The following RRBP1 variants were observed in gnomAD, a reference collection of about 807,000 sequenced individuals.
RRBP1 encodes the protein ribosome-binding protein 1.
RRBP1 carries 94 observed loss-of-function variants against 165.2 expected under a neutral mutation model. That is an observed-to-expected ratio of 0.57 (90% CI 0.48 to 0.68). The LOEUF (loss-of-function observed/expected upper bound fraction) is 0.68. RRBP1 is among the 30% of genes least tolerant of loss of function. The pLI is 0.00. For synonymous variants in RRBP1, 680 were observed against 714.5 expected (o/e 0.95, Z 0.77); for missense variants, 1,676 against 1,763.0 (o/e 0.95, Z 0.88).
At chr20:17,616,386 A>G (rs989799126) in intron 21 of RRBP1, among the ~76,000 whole-genome samples, 1 of 152,162 alleles carries the variant, frequency 6.6e-6, no homozygotes, top group Non-Finnish European at 1.5e-5. Flanking sequence ...ATATCCTGCT[A>G]GCGATGTCCC....
Position 17,622,428 on chromosome 20 carries a change from C to T in RRBP1, c.3148-481G>A, listed in dbSNP as rs535855079. Among the ~76,000 whole-genome samples, 52 of 152,106 alleles carry T rather than the reference C, an allele frequency of 3.4e-4. No homozygotes were observed. In the South Asian group the frequency reaches 1.0e-2, roughly 29 times the overall value. ...TGGGGGTGAAGGCAGGGAAGCAGTG[C>T]GTCTGCTGGCGGCACCACGGTTAGG... is the stretch of plus-strand genomic sequence containing the variant. On this transcript the variant is annotated intron_variant, in intron 13 of 24. Coordinates refer to ENST00000377813, the MANE Select transcript of RRBP1 (RefSeq NM_001365613.2).
intron 13 of RRBP1, 42 bp from the exon 14 acceptor site, chr20:17,621,989 G>A (rs2035924586): frequency 6.7e-7 from 1 of 1,501,018 alleles, no homozygotes; most frequent in African/African-American, 1.4e-5. Flanking sequence ...TTCAGCTGTG[G>A]AGGTGTGGGG....
chr20:17,618,499 A>G lies in RRBP1; in HGVS notation c.3759+97T>C, dbSNP rs1173972894. ...TGACACTGTCCCTTCCCTAGGCTTT[A>G]TCTTTGAGTGGACACAAACGCATGA... On this transcript the variant is annotated intron_variant, in intron 20 of 24. Coordinates refer to ENST00000377813, the MANE Select transcript of RRBP1 (RefSeq NM_001365613.2). The G allele has an allele frequency of 4.0e-6, 4 of 1,004,244 alleles. No homozygotes were observed. In the East Asian group the frequency reaches 7.2e-5, roughly 18 times the overall value. 62.2% of individuals were successfully genotyped at this position (1,004,244 alleles called of 1,614,324 possible). A position where few individuals can be genotyped will look rare whatever the true frequency, so the allele number is the denominator to read the frequency against.
At chr20:17,615,267 A>T (rs966841035) in intron 23 of RRBP1, among the ~76,000 whole-genome samples, 164 bp downstream of exon 23, 1 of 152,186 alleles carries the variant, frequency 6.6e-6, no homozygotes, top group Non-Finnish European at 1.5e-5. Context: ...CTGCAGGGCT[A>T]GGAGTCCCCA....
intron 8 of RRBP1, among the ~76,000 whole-genome samples, chr20:17,630,808 G>T (rs1348212274): frequency 2.0e-5 from 3 of 152,242 alleles, no homozygotes; most frequent in African/African-American, 7.2e-5. Context: ...GGTAAGAGGG[G>T]CATCAACAGA....
At chr20:17,644,645 TC>T (rs2036430383) in intron 3 of RRBP1, among the ~76,000 whole-genome samples, 1 of 152,018 alleles carries the variant, frequency 6.6e-6, no homozygotes, top group African/African-American at 2.4e-5. Flanking sequence ...CAAGGACATT[TC>T]CCCCTCCTGA....
At chr20:17,628,811 A>C (rs2036086701) in intron 9 of RRBP1, among the ~76,000 whole-genome samples, 1 of 152,226 alleles carries the variant, frequency 6.6e-6, no homozygotes, top group African/African-American at 2.4e-5. Flanking sequence ...GGGGCCGGGA[A>C]GCTGGGGCCG....
intron 4 of RRBP1, 100 bp from the exon 5 acceptor site, chr20:17,642,019 G>A (rs528669045): frequency 3.0e-6 from 4 of 1,324,120 alleles, no homozygotes; most frequent in Non-Finnish European, 4.2e-6. Flanking sequence ...TGATGAAGTG[G>A]AGCAGGGGCT....
At chr20:17,678,279 C>G (rs1264555721) in intron 2 of RRBP1, among the ~76,000 whole-genome samples, 2 of 152,206 alleles carry the variant, frequency 1.3e-5, no homozygotes, top group African/African-American at 4.8e-5. Flanking sequence ...TTTACCTTCC[C>G]TTACAAGCCA....
intron 2 of RRBP1, among the ~76,000 whole-genome samples, chr20:17,673,769 A>C (rs1455631952): frequency 6.6e-6 from 1 of 152,202 alleles, no homozygotes; most frequent in Non-Finnish European, 1.5e-5. Flanking sequence ...CCAACTTAAG[A>C]GGGATATGAC....
chr20:17,615,863 A>G, intron 22 of RRBP1, 63 bp downstream of exon 22: 1 of 1,430,226 alleles, frequency 7.0e-7, no homozygotes, highest in South Asian at 1.2e-5. Context: ...TGACCCACTC[A>G]TTCCCTGGAG....
intron 3 of RRBP1, among the ~76,000 whole-genome samples, chr20:17,647,859 G>C (rs553275353): frequency 1.6e-4 from 25 of 152,230 alleles, no homozygotes; most frequent in Admixed American, 8.5e-4. Flanking sequence ...AGACAGTGCA[G>C]ACCAAGGCAC....
chr20:17,637,009 C>A (rs369997245), intron 5 of RRBP1, among the ~76,000 whole-genome samples: 1 of 152,226 alleles, frequency 6.6e-6, no homozygotes, highest in Non-Finnish European at 1.5e-5. Flanking sequence ...CAGAGACACA[C>A]GGTGCTGTCC....
rs372607941 is a variant in RRBP1, at chr20:17,659,626, C to T, written c.882G>A (p.Gly294=). ...GAPTQGRKAE[G]AQNQAKKVEG... ...CTACCTTTTTGGCCTGGTTCTGAGCCCCCTCGGCCTTTCTGCCCTGGGTTG... is the reference window on the plus strand; with the variant it reads ...CTACCTTTTTGGCCTGGTTCTGAGCTCCCTCGGCCTTTCTGCCCTGGGTTG... The change falls in exon 3 of 25, where the codon GGG becomes GGA. Residue 294 remains glycine (G), a synonymous_variant. Coordinates refer to ENST00000377813, the MANE Select transcript of RRBP1 (RefSeq NM_001365613.2). 1.8e-5 allele frequency: 28 copies of T among 1,549,566 alleles called. No homozygotes were observed. The highest frequency in any genetic ancestry group is 1.2e-4 in the African/African-American group (9 of 72,630).
Position 17,616,012 on chromosome 20 carries a change from G to T in RRBP1, c.3868-3C>A. Reference sequence around the variant, plus strand: ...GTCCACTCCAGCTGCGTCTTCAGCTGTGCAAACACCGCAAACATAACCCGG... The same window carrying T: ...GTCCACTCCAGCTGCGTCTTCAGCTTTGCAAACACCGCAAACATAACCCGG... On this transcript the variant is annotated splice_region_variant and splice_polypyrimidine_tract_variant and intron_variant, in intron 21 of 24. Transcript: ENST00000377813. 6.2e-7 allele frequency: 1 copy of T among 1,604,286 alleles called. No individual in the cohort carries two copies.
At chr20:17,678,084 C>T (rs189145620) in intron 2 of RRBP1, among the ~76,000 whole-genome samples, 256 of 152,306 alleles carry the variant, frequency 1.7e-3, no homozygotes, top group Middle Eastern at 3.4e-3. Flanking sequence ...GTGGAAGACA[C>T]ATGTTACTGA....
intron 2 of RRBP1, among the ~76,000 whole-genome samples, chr20:17,673,704 G>A (rs980188960): frequency 3.3e-5 from 5 of 152,116 alleles, no homozygotes; most frequent in Non-Finnish European, 5.9e-5. Context: ...CACCATGCCC[G>A]GCCCACCTGC....
At chr20:17,635,157 G>T (rs1217066513) in intron 7 of RRBP1, among the ~76,000 whole-genome samples, 3 of 152,232 alleles carry the variant, frequency 2.0e-5, no homozygotes, top group East Asian at 1.9e-4. Context: ...CTCAACTCCG[G>T]AGGGGAAGTG....
rs374556178 is a variant in RRBP1 at position 17,620,348 on chromosome 20, A to G, written c.3530T>C (p.Leu1177Pro). The change falls in exon 18 of 25, where the codon CTC (leucine) becomes CCC (proline). Residue 1177 changes from leucine (L) to proline (P), a missense_variant. This residue lies in a region of RRBP1 where 1,184 missense variants were observed against 1,167.1 expected (regional missense o/e 1.01). Transcript: ENST00000377813. ...TTTTAGCTTCTCTACAATCTCTTCG[A>G]GATGCTTCACTGTGACCCGGGACTA... Reference protein sequence around the residue: ...LQKSRVTVKHLEEIVEKLKGE... With the variant: ...LQKSRVTVKHPEEIVEKLKGE... 9.3e-6 allele frequency: 15 copies of G among 1,613,628 alleles called. No individual in the cohort carries two copies. Among genetic ancestry groups the G allele is most frequent in the Non-Finnish European group, 1.3e-5 (15 of 1,179,886 alleles).
Sources: allele counts gnomAD v4.1 joint callset (sites outside exome capture counted in the v4.1 genomes callset), GRCh38; gene constraint gnomAD v4.1.1; regional missense constraint gnomAD v4.1.1; transcripts MANE v1.5; gene names NCBI Gene and HGNC (gene_info 2026-07-23, HGNC 2026-07-21).